KIF16B: variants seen among roughly 807,000 people sequenced by gnomAD.
The protein encoded by KIF16B is kinesin-like protein KIF16B.
Under a neutral mutation model 156.3 loss-of-function variants are expected in KIF16B, and 98 were observed. That is an observed-to-expected ratio of 0.63 (90% CI 0.53 to 0.74). The LOEUF (loss-of-function observed/expected upper bound fraction) is 0.74. KIF16B is among the 30% of genes least tolerant of loss of function. The probability of loss-of-function intolerance (pLI) is 0.00; values close to 1 mark genes in which losing one functional copy is unlikely to be tolerated. For missense variants in KIF16B, 1,421 were observed against 1,606.5 expected, an observed-to-expected ratio of 0.88 and a Z score of 1.97; for synonymous variants, 564 against 583.7, an observed-to-expected ratio of 0.97 and a Z score of 0.49.
At chr20:16,559,079 T>C (rs17743285) in intron 1 of KIF16B, among the ~76,000 whole-genome samples, 20,093 of 151,992 alleles carry the variant, frequency 0.13, 1,643 homozygotes, top group South Asian at 0.19. Flanking sequence ...CTGGTCCCTA[T>C]AGGCATTGAG....
intron 25 of KIF16B, among the ~76,000 whole-genome samples, chr20:16,306,683 G>A (rs1053578525): frequency 6.6e-6 from 1 of 152,028 alleles, no homozygotes; most frequent in Non-Finnish European, 1.5e-5. Context: ...GTGCTCTTTT[G>A]CCTTCCCCTG....
intron 1 of KIF16B, among the ~76,000 whole-genome samples, chr20:16,547,510 A>C (rs2070459427): frequency 6.6e-6 from 1 of 152,182 alleles, no homozygotes; most frequent in African/African-American, 2.4e-5. Context: ...ATGTCACCAG[A>C]AAGTTCCTTT....
chr20:16,551,132 C>CTCCTTTT (rs751496414), intron 1 of KIF16B, among the ~76,000 whole-genome samples: 8 of 139,134 alleles, frequency 5.7e-5, no homozygotes, highest in Non-Finnish European at 1.5e-5. Context: ...GCTTTCTCTT[C>CTCCTTTT]TTTTTTTTTT....
At chr20:16,516,823 T>C (rs1173379770) in intron 3 of KIF16B, among the ~76,000 whole-genome samples, 1 of 152,194 alleles carries the variant, frequency 6.6e-6, no homozygotes. Context: ...CCCAGCCCAG[T>C]GAAATATGAA....
intron 25 of KIF16B, among the ~76,000 whole-genome samples, chr20:16,307,373 G>A (rs2063556167): frequency 6.6e-6 from 1 of 151,994 alleles, no homozygotes; most frequent in Non-Finnish European, 1.5e-5. Flanking sequence ...GGCTAATTTG[G>A]GCAGATTTTC....
intron 1 of KIF16B, among the ~76,000 whole-genome samples, chr20:16,534,492 C>T (rs1401725306): frequency 6.6e-6 from 1 of 152,128 alleles, no homozygotes; most frequent in East Asian, 1.9e-4. Context: ...GTTTCTTTTG[C>T]TGTGTAAATG....
At chr20:16,508,240 G>T in intron 6 of KIF16B, 140 bp from the exon 7 acceptor site, 1 of 939,108 alleles carries the variant, frequency 1.1e-6, no homozygotes, top group Non-Finnish European at 1.6e-6. Context: ...CTAGGGTGGT[G>T]GTATGTAATG....
intron 3 of KIF16B, among the ~76,000 whole-genome samples, chr20:16,516,614 G>A (rs981814463): frequency 3.9e-5 from 6 of 152,166 alleles, no homozygotes; most frequent in Admixed American, 1.3e-4. Flanking sequence ...TGTCACCAAC[G>A]TCCAAGGTGG....
At position 16,529,455 on chromosome 20, in the gene KIF16B, C is replaced by T. The variant is rs6034519; in HGVS notation, c.48-1015G>A. 6.2e-3 allele frequency among the ~76,000 whole-genome samples: 937 copies of T among 152,174 alleles called. 16 individuals carry two copies. Among genetic ancestry groups the T allele is most frequent in the African/African-American group, 0.021 (892 of 41,498 alleles). On this transcript the variant is annotated intron_variant, in intron 1 of 25. Transcript: ENST00000354981. ...ACTGTATACTATAATGAGATATATC[C>T]TAAAAAGAAAAAGAACTACAAAGAA...
At chr20:16,425,000 T>C (rs1456078112) in intron 15 of KIF16B, among the ~76,000 whole-genome samples, 5 of 152,090 alleles carry the variant, frequency 3.3e-5, no homozygotes, top group Admixed American at 6.6e-5. Context: ...TAAACAGATA[T>C]AGAAGTACAG....
At chr20:16,406,126 G>T (rs1402997933) in intron 16 of KIF16B, among the ~76,000 whole-genome samples, 1 of 152,180 alleles carries the variant, frequency 6.6e-6, no homozygotes, top group Non-Finnish European at 1.5e-5. Flanking sequence ...AAGGGTGGAA[G>T]GCTGAAGAGA....
chr20:16,303,607 G>A (rs2063502015), intron 25 of KIF16B, among the ~76,000 whole-genome samples: 2 of 152,176 alleles, frequency 1.3e-5, no homozygotes, highest in Admixed American at 6.5e-5. Flanking sequence ...GTTCAACACG[G>A]TTTTAACTGG....
At chr20:16,445,623 G>A (rs1458166576) in intron 12 of KIF16B, among the ~76,000 whole-genome samples, 2 of 151,976 alleles carry the variant, frequency 1.3e-5, no homozygotes, top group Non-Finnish European at 1.5e-5. Context: ...TTAAATGTCC[G>A]AATCAGGTTT....
At chr20:16,394,398 A>C (rs1267082471) in intron 17 of KIF16B, among the ~76,000 whole-genome samples, 1 of 152,242 alleles carries the variant, frequency 6.6e-6, no homozygotes, top group Non-Finnish European at 1.5e-5. Context: ...ATCTCAGTTA[A>C]TGGAGGAAGA....
chr20:16,569,841 C>T (rs1377966918), intron 1 of KIF16B, among the ~76,000 whole-genome samples: 3 of 152,070 alleles, frequency 2.0e-5, no homozygotes, highest in East Asian at 1.9e-4. Context: ...TATAAAACTA[C>T]GCATGAGGAA....
At chr20:16,410,087 G>A (rs1223209961) in intron 15 of KIF16B, among the ~76,000 whole-genome samples, 14 of 111,092 alleles carry the variant, frequency 1.3e-4, no homozygotes, top group South Asian at 3.0e-4. Context: ...ATATATATAT[G>A]TAGGTACATA....
chr20:16,326,960 T>TTC (rs2063861425), intron 24 of KIF16B, among the ~76,000 whole-genome samples: 1 of 147,526 alleles, frequency 6.8e-6, no homozygotes, highest in African/African-American at 2.5e-5. Flanking sequence ...AAAGAAAATG[T>TTC]TATATATATA....
chr20:16,361,061 T>C (rs960235499), intron 22 of KIF16B, among the ~76,000 whole-genome samples: 1 of 152,226 alleles, frequency 6.6e-6, no homozygotes, highest in Non-Finnish European at 1.5e-5. Context: ...CAGAAGCCCA[T>C]AGCCAAGCTT....
At chr20:16,317,995 G>C (rs2063722969) in intron 24 of KIF16B, among the ~76,000 whole-genome samples, 1 of 152,174 alleles carries the variant, frequency 6.6e-6, no homozygotes, top group Non-Finnish European at 1.5e-5. Context: ...CCATGAACCA[G>C]AAAACAAGAG....
Sources: gnomAD v4.1 joint callset for allele counts (sites outside exome capture counted in the v4.1 genomes callset) on GRCh38, gnomAD v4.1.1 for gene constraint, MANE v1.5 for transcripts, NCBI Gene and HGNC (gene_info 2026-07-23, HGNC 2026-07-21) for gene names.